Variants in SCN1A observed in about 807,000 individuals in gnomAD.
The protein encoded by SCN1A is sodium channel protein type 1 subunit alpha.
SCN1A carries 13 observed loss-of-function variants against 193.7 expected under a neutral mutation model. The observed-to-expected ratio is 0.07, with a 90% CI of 0.04 to 0.11. The LOEUF (loss-of-function observed/expected upper bound fraction) is 0.11, where lower values mean the gene tolerates loss of function less well. Among genes scored for constraint, SCN1A ranks in the 10% least tolerant of loss-of-function variants. The probability of loss-of-function intolerance (pLI) is 1.00; values close to 1 mark genes in which losing one functional copy is unlikely to be tolerated. For missense variants in SCN1A, 1,432 were observed against 2,451.1 expected (o/e 0.58, Z 8.78); for synonymous variants, 781 against 843.6 (o/e 0.93, Z 1.29).
chr2:166,072,945 T>A (rs759332663), intron 4 of SCN1A, among the ~76,000 whole-genome samples: 8 of 150,926 alleles, frequency 5.3e-5, no homozygotes, highest in Non-Finnish European at 7.4e-5. Flanking sequence ...CAACAAGGGA[T>A]TCCCCTGCCT....
chr2:166,125,943 G>T (rs1052229642), intron 2 of SCN1A, among the ~76,000 whole-genome samples: 5 of 152,172 alleles, frequency 3.3e-5, no homozygotes, highest in African/African-American at 1.2e-4. Flanking sequence ...ATTGTTACCA[G>T]TATGAACACT....
At chr2:166,057,404 G>T (rs953473401) in intron 5 of SCN1A, among the ~76,000 whole-genome samples, 1 of 151,534 alleles carries the variant, frequency 6.6e-6, no homozygotes, top group African/African-American at 2.4e-5. Context: ...TTAAAAATCA[G>T]GGAAATAAGG....
chr2:166,075,296 C>T (rs1286438297), intron 3 of SCN1A: 1 of 152,054 alleles, frequency 6.6e-6, no homozygotes, highest in Middle Eastern at 3.4e-3. Context: ...AGGCCCAGTT[C>T]CCCTTCCTAG....
intron 2 of SCN1A, among the ~76,000 whole-genome samples, chr2:166,118,581 T>G (rs1354638138): frequency 6.6e-6 from 1 of 152,002 alleles, no homozygotes; most frequent in Non-Finnish European, 1.5e-5. Context: ...CCGGACTGTT[T>G]TCTCCTTGGT....
intron 4 of SCN1A, among the ~76,000 whole-genome samples, chr2:166,064,171 C>G (rs1197033533): frequency 6.6e-6 from 1 of 152,112 alleles, no homozygotes; most frequent in Non-Finnish European, 1.5e-5. Flanking sequence ...ATTTCTGATT[C>G]AAAAGCTAAC....
rs149315236 is a variant in SCN1A at position 165,992,058 on chromosome 2, G to A, written c.5217C>T (p.Pro1739=). Residue 1739 remains proline, a synonymous_variant, in exon 29 of 29, where the codon CCC becomes CCT. Transcript: ENST00000674923. The surrounding 1 kb of genome is among the most constrained non-coding windows in gnomAD (Gnocchi z 6.5). ...LLAPILNSKP[P]DCDPNKVNPG... ...GGTTAACTTTATTAGGGTCACAGTCGGGTGGCTTACTGTTGAGAATGGGTG... is the reference window on the plus strand; with the variant it reads ...GGTTAACTTTATTAGGGTCACAGTCAGGTGGCTTACTGTTGAGAATGGGTG... 3.8e-5 allele frequency: 61 copies of A among 1,613,808 alleles called. No homozygotes were observed. The highest frequency in any genetic ancestry group is 3.1e-4 in the African/African-American group (23 of 74,864).
At chr2:166,092,134 A>G (rs1024564969) in intron 2 of SCN1A, among the ~76,000 whole-genome samples, 6 of 152,176 alleles carry the variant, frequency 3.9e-5, no homozygotes, top group Non-Finnish European at 2.9e-5. Context: ...AACTTAAATA[A>G]TATGGCATAT....
intron 8 of SCN1A, among the ~76,000 whole-genome samples, chr2:166,052,213 T>C (rs1048460944): frequency 2.6e-5 from 4 of 151,990 alleles, no homozygotes; most frequent in African/African-American, 7.2e-5. Context: ...TATGTCGAGA[T>C]AGAGTAATGG....
intron 19 of SCN1A, among the ~76,000 whole-genome samples, chr2:166,017,302 A>G (rs777172279): frequency 6.6e-6 from 1 of 151,976 alleles, no homozygotes; most frequent in African/African-American, 2.4e-5. Flanking sequence ...AGCTTTGACT[A>G]TCTTTGTGTT....
At chr2:166,010,960 C>T (rs1207908591) in intron 22 of SCN1A, among the ~76,000 whole-genome samples, 3 of 150,508 alleles carry the variant, frequency 2.0e-5, no homozygotes, top group African/African-American at 7.3e-5. Flanking sequence ...AGAAAAAAAA[C>T]CTCAGGAAGT....
chr2:166,066,739 C>T (rs765989254), intron 4 of SCN1A, among the ~76,000 whole-genome samples: 11 of 152,168 alleles, frequency 7.2e-5, no homozygotes, highest in Non-Finnish European at 1.3e-4. Flanking sequence ...TATTCTCCAT[C>T]TCCATTGTCA....
chr2:166,034,132 C>G (rs1217616481), intron 19 of SCN1A, among the ~76,000 whole-genome samples: 1 of 151,976 alleles, frequency 6.6e-6, no homozygotes, highest in African/African-American at 2.4e-5. Flanking sequence ...TGTCCTGAAT[C>G]TATTTCCATA....
At chr2:166,044,982 T>C (rs1697616764) in intron 13 of SCN1A, 61 bp downstream of exon 13, 1 of 1,553,038 alleles carries the variant, frequency 6.4e-7, no homozygotes, top group Non-Finnish European at 8.9e-7. Context: ...TTTCTAATTC[T>C]CCCCCTCTCT....
At chr2:166,022,998 G>T (rs1301706583) in intron 19 of SCN1A, among the ~76,000 whole-genome samples, 1 of 151,928 alleles carries the variant, frequency 6.6e-6, no homozygotes, top group East Asian at 1.9e-4. Flanking sequence ...TTGGCAAAAA[G>T]CACACAATAG....
intron 1 of SCN1A, among the ~76,000 whole-genome samples, chr2:166,143,452 C>G (rs550900906): frequency 1.3e-5 from 2 of 152,182 alleles, no homozygotes; most frequent in East Asian, 3.9e-4. Flanking sequence ...AGGCATGAGC[C>G]ACTGCGCCTG....
intron 7 of SCN1A, 51 bp downstream of exon 7, chr2:166,054,587 G>A: frequency 6.3e-7 from 1 of 1,595,948 alleles, no homozygotes; most frequent in South Asian, 1.1e-5. Context: ...CATAAGCACT[G>A]ATGGAAAACC....
At chr2:166,022,106 G>A (rs1040592581) in intron 19 of SCN1A, among the ~76,000 whole-genome samples, 6 of 152,030 alleles carry the variant, frequency 3.9e-5, no homozygotes, top group Non-Finnish European at 5.9e-5. Flanking sequence ...TTTTGAAAAT[G>A]TATTGGAAAA....
chr2:166,054,070 G>A (rs553270694), intron 7 of SCN1A, among the ~76,000 whole-genome samples: 1 of 152,058 alleles, frequency 6.6e-6, no homozygotes, highest in East Asian at 1.9e-4. Context: ...CAGAGAGAAT[G>A]TATTCCTCTA....
Position 165,992,523 on chromosome 2 carries a change from C to A in SCN1A, c.4853-101G>T. On this transcript the variant is annotated intron_variant, in intron 28 of 28. Transcript: ENST00000674923. The surrounding 1 kb of genome is among the most constrained non-coding windows in gnomAD (Gnocchi z 6.5). Reference sequence around the variant, plus strand: ...CCAAGGTAAGGTTCAGAGTCCTGAACCCAGTTATATTAAATATGACAACTA... The same window carrying A: ...CCAAGGTAAGGTTCAGAGTCCTGAAACCAGTTATATTAAATATGACAACTA... The A allele has an allele frequency of 8.8e-7, 1 of 1,136,394 alleles. No individual in the cohort carries two copies. Among genetic ancestry groups the A allele is most frequent in the Non-Finnish European group, 1.3e-6 (1 of 763,180 alleles). 70.4% of individuals were successfully genotyped at this position (1,136,394 alleles called of 1,614,324 possible).
Sources: allele counts gnomAD v4.1 joint callset (sites outside exome capture counted in the v4.1 genomes callset), GRCh38; gene constraint gnomAD v4.1.1; non-coding constraint Gnocchi (gnomAD v3.1); transcripts MANE v1.5; gene names NCBI Gene and HGNC (gene_info 2026-07-23, HGNC 2026-07-21).